The following PANX1 variants were observed in gnomAD, a reference collection of about 807,000 sequenced individuals.
PANX1 encodes pannexin 1, also known as pannexin-1.
In PANX1, 30 loss-of-function variants were observed where a neutral mutation model predicts 38.7. The ratio of observed to expected loss-of-function variants is 0.78; its 90% CI spans 0.58 to 1.05. PANX1 has a LOEUF of 1.05. PANX1 is among the 50% of genes least tolerant of loss of function. The probability of loss-of-function intolerance (pLI) is 0.00; values close to 1 mark genes in which losing one functional copy is unlikely to be tolerated. For synonymous variants in PANX1, 230 were observed against 212.2 expected, an observed-to-expected ratio of 1.08 and a Z score of -0.73; for missense variants, 551 against 517.2, an observed-to-expected ratio of 1.07 and a Z score of -0.63.
intron 2 of PANX1, among the ~76,000 whole-genome samples, chr11:94,162,869 C>CT (rs1565381193): frequency 1.3e-5 from 1 of 76,366 alleles, no homozygotes; most frequent in South Asian, 3.0e-4. Flanking sequence ...CCACCAACCT[C>CT]TCTTTTTTTT....
At chr11:94,152,319 A>T (rs1946891475) in intron 1 of PANX1, among the ~76,000 whole-genome samples, 1 of 152,184 alleles carries the variant, frequency 6.6e-6, no homozygotes, top group Non-Finnish European at 1.5e-5. Flanking sequence ...CAAATCTGTA[A>T]TGTGGATACA....
At chr11:94,165,500 C>T (rs1212750264) in intron 2 of PANX1, among the ~76,000 whole-genome samples, 1 of 152,104 alleles carries the variant, frequency 6.6e-6, no homozygotes, top group Non-Finnish European at 1.5e-5. Context: ...GCTAAATGCT[C>T]CAATTAAAAA....
At chr11:94,138,509 T>C (rs1325142878) in intron 1 of PANX1, among the ~76,000 whole-genome samples, 1 of 152,214 alleles carries the variant, frequency 6.6e-6, no homozygotes, top group Non-Finnish European at 1.5e-5. Flanking sequence ...TTTTGTTTTT[T>C]AATTTTTAAT....
At chr11:94,173,794 G>A (rs990206223) in intron 2 of PANX1, among the ~76,000 whole-genome samples, 8 of 151,828 alleles carry the variant, frequency 5.3e-5, no homozygotes, top group South Asian at 2.1e-4. Context: ...ACCCCATTGT[G>A]TATGGTGTGG....
At chr11:94,137,694 C>T (rs779320777) in intron 1 of PANX1, among the ~76,000 whole-genome samples, 9 of 150,284 alleles carry the variant, frequency 6.0e-5, no homozygotes, top group African/African-American at 7.4e-5. Context: ...GGGGAGGGGA[C>T]GCTGTTGTTT....
At chr11:94,131,796 G>A (rs1455624864) in intron 1 of PANX1, among the ~76,000 whole-genome samples, 1 of 152,176 alleles carries the variant, frequency 6.6e-6, no homozygotes, top group Non-Finnish European at 1.5e-5. Context: ...TACAGTGGGA[G>A]GGATCATGTC....
At position 94,153,521 on chromosome 11, in the gene PANX1, C is replaced by G; in HGVS notation, c.212C>G (p.Ser71Cys). Residue 71 changes from serine to cysteine, a missense_variant, in exon 2 of 5, where the codon TCT becomes TGT. Physicochemically the swap from Ser to Cys is moderately radical, Grantham distance 112 (BLOSUM62 -1). Coordinates refer to ENST00000227638, the MANE Select transcript of PANX1 (RefSeq NM_015368.4). ...CAGATAAGCTGTTTCTCTCCAAGTTCTTTCTCCTGGCGTCAGGCTGCCTTT... is the reference window on the plus strand; with the variant it reads ...CAGATAAGCTGTTTCTCTCCAAGTTGTTTCTCCTGGCGTCAGGCTGCCTTT... ...GTQISCFSPSSFSWRQAAFVD... is the reference protein window; with the variant it reads ...GTQISCFSPSCFSWRQAAFVD... 2 of 1,614,146 alleles carry G rather than the reference C, an allele frequency of 1.2e-6. No homozygotes were observed. The highest frequency in any genetic ancestry group is 1.3e-5 in the African/African-American group (1 of 75,040).
intron 1 of PANX1, among the ~76,000 whole-genome samples, chr11:94,141,620 A>G (rs998421988): frequency 6.6e-6 from 1 of 152,108 alleles, no homozygotes; most frequent in Non-Finnish European, 1.5e-5. Flanking sequence ...AAAAAACCCT[A>G]GTTGTTTCAC....
chr11:94,171,497 T>C (rs552523052), intron 2 of PANX1, among the ~76,000 whole-genome samples: 1 of 151,694 alleles, frequency 6.6e-6, no homozygotes, highest in Non-Finnish European at 1.5e-5. Context: ...GCTTGAAGAC[T>C]ATATGCGGAA....
chr11:94,136,403 A>C (rs1946690895), intron 1 of PANX1, among the ~76,000 whole-genome samples: 1 of 152,242 alleles, frequency 6.6e-6, no homozygotes, highest in Non-Finnish European at 1.5e-5. Context: ...CATTTACCAT[A>C]ACTTGAAGTT....
intron 1 of PANX1, among the ~76,000 whole-genome samples, chr11:94,148,887 C>T (rs1171761861): frequency 1.3e-5 from 2 of 152,136 alleles, no homozygotes; most frequent in East Asian, 3.9e-4. Flanking sequence ...CCCTCCATTG[C>T]TGACCTGATT....
At chr11:94,131,619 C>T (rs1946630589) in intron 1 of PANX1, among the ~76,000 whole-genome samples, 1 of 152,154 alleles carries the variant, frequency 6.6e-6, no homozygotes, top group Non-Finnish European at 1.5e-5. Flanking sequence ...CAAGCAGACT[C>T]CCATGTTTTC....
intron 1 of PANX1, among the ~76,000 whole-genome samples, chr11:94,137,226 C>T (rs1176263470): frequency 1.3e-5 from 2 of 152,136 alleles, no homozygotes; most frequent in African/African-American, 4.8e-5. Context: ...ATCGCTTGAA[C>T]GCGGGAGGCA....
chr11:94,144,498 G>GAGT (rs1266519639), intron 1 of PANX1, among the ~76,000 whole-genome samples: 2 of 152,162 alleles, frequency 1.3e-5, no homozygotes, highest in African/African-American at 4.8e-5. Flanking sequence ...ACTCCACACA[G>GAGT]AGTAGCCTTA....
At chr11:94,171,332 C>T (rs952717518) in intron 2 of PANX1, among the ~76,000 whole-genome samples, 1 of 151,736 alleles carries the variant, frequency 6.6e-6, no homozygotes, top group Non-Finnish European at 1.5e-5. Flanking sequence ...CAAGCACTTT[C>T]AAATAAAATG....
intron 3 of PANX1, among the ~76,000 whole-genome samples, chr11:94,179,078 ATATT>A (rs1242268715): frequency 6.6e-6 from 1 of 152,178 alleles, no homozygotes; most frequent in Non-Finnish European, 1.5e-5. Flanking sequence ...CATTTTTTGA[ATATT>A]TAATATATCT....
Position 94,150,142 on chromosome 11 carries a change from A to C in PANX1, c.182-3349A>C, listed in dbSNP as rs184082510. Reference sequence around the variant, plus strand: ...GGAAGATGGTGTGTATGGGGCATTGACTTAACAAGCAGGTTCTGGCAAGAG... The same window carrying C: ...GGAAGATGGTGTGTATGGGGCATTGCCTTAACAAGCAGGTTCTGGCAAGAG... On this transcript the variant is annotated intron_variant, in intron 1 of 4. Coordinates refer to ENST00000227638, the MANE Select transcript of PANX1 (RefSeq NM_015368.4). Among the ~76,000 whole-genome samples the C allele has an allele frequency of 5.2e-3, 787 of 152,272 alleles. 3 individuals carry two copies. Among genetic ancestry groups the C allele is most frequent in the Middle Eastern group, 0.014 (4 of 294 alleles).
At chr11:94,160,309 C>G (rs773848082) in intron 2 of PANX1, among the ~76,000 whole-genome samples, 1 of 152,086 alleles carries the variant, frequency 6.6e-6, no homozygotes, top group Admixed American at 6.6e-5. Flanking sequence ...GTTGCTCTGT[C>G]TAATGTTGAC....
In PANX1 at chr11:94,129,253, G is replaced by T; in HGVS notation, c.-60G>T. The T allele has an allele frequency of 6.8e-7, 1 of 1,474,586 alleles. No individual in the cohort carries two copies. The allele number at this position is 1,474,586 out of a possible 1,614,324, so 91.3% of individuals were successfully genotyped here. A position where few individuals can be genotyped will look rare whatever the true frequency, so the allele number is the denominator to read the frequency against. On this transcript the variant is annotated 5_prime_UTR_variant, in exon 1 of 5. Transcript: ENST00000227638. ...GCCGGTGACTGGGTGAAGGCGCCGC[G>T]CAGCTTTCCCGACGCCGGCTGTACC... is the stretch of plus-strand genomic sequence containing the variant.
Sources: gnomAD v4.1 joint callset for allele counts (sites outside exome capture counted in the v4.1 genomes callset) on GRCh38, gnomAD v4.1.1 for gene constraint, MANE v1.5 for transcripts, NCBI Gene and HGNC (gene_info 2026-07-23, HGNC 2026-07-21) for gene names.